The following SNX29 variants were observed in gnomAD, a reference collection of about 807,000 sequenced individuals.
SNX29 encodes the protein sorting nexin 29, also known as sorting nexin-29.
Under a neutral mutation model 102.1 loss-of-function variants are expected in SNX29, and 78 were observed. That is an observed-to-expected ratio of 0.76 (90% CI 0.64 to 0.92). SNX29 has a LOEUF of 0.92. Among genes scored for constraint, SNX29 ranks in the 40% least tolerant of loss-of-function variants. SNX29 has a pLI of 0.00. For synonymous variants in SNX29, 580 were observed against 414.5 expected (o/e 1.40, Z -4.85); for missense variants, 1,280 against 1,061.7 (o/e 1.21, Z -2.86).
At chr16:12,556,196 A>C (rs921436830) in intron 20 of SNX29, among the ~76,000 whole-genome samples, 1 of 152,112 alleles carries the variant, frequency 6.6e-6, no homozygotes, top group Non-Finnish European at 1.5e-5. Context: ...GCTGAGTCTG[A>C]AATGCAACCT....
At chr16:12,171,709 C>G (rs530220452) in intron 13 of SNX29, among the ~76,000 whole-genome samples, 39 of 152,342 alleles carry the variant, frequency 2.6e-4, no homozygotes, top group South Asian at 8.3e-4. Flanking sequence ...TTCTCCTGAC[C>G]GAAAGGATAG....
At chr16:12,115,392 G>GT (rs2141292741) in intron 11 of SNX29, among the ~76,000 whole-genome samples, 1 of 152,010 alleles carries the variant, frequency 6.6e-6, no homozygotes, top group East Asian at 1.9e-4. Context: ...GACACAGCAG[G>GT]GTCAGACATG....
At position 11,999,289 on chromosome 16, in the gene SNX29, C is replaced by T; in HGVS notation, c.8-8C>T. The T allele has an allele frequency of 6.2e-7, 1 of 1,613,886 alleles. No individual in the cohort carries two copies. The highest frequency in any genetic ancestry group is 2.2e-5 in the East Asian group (1 of 44,874). ...AGAGAGAACTAATTAAGCCTCATTG[C>T]ATTTTAGGATCACAGAACAATGACA... On this transcript the variant is annotated splice_polypyrimidine_tract_variant and splice_region_variant and intron_variant, in intron 1 of 20. Transcript: ENST00000566228.
chr16:12,412,507 G>A (rs572721150), intron 18 of SNX29, among the ~76,000 whole-genome samples: 15 of 152,310 alleles, frequency 9.8e-5, no homozygotes, highest in African/African-American at 2.4e-4. Context: ...TTTTTCACAC[G>A]GGAGAGAGCG....
chr16:11,999,392 G>T (rs751806327), intron 2 of SNX29, 34 bp downstream of exon 2: 1 of 1,605,850 alleles, frequency 6.2e-7, no homozygotes, highest in Non-Finnish European at 8.5e-7. Flanking sequence ...CTTTTTGGTC[G>T]AGTAATAGTG....
chr16:12,289,358 C>T (rs756302502), intron 15 of SNX29, among the ~76,000 whole-genome samples: 1 of 152,324 alleles, frequency 6.6e-6, no homozygotes, highest in South Asian at 2.1e-4. Flanking sequence ...TTGCCTGGGG[C>T]ATGTTCAGGT....
chr16:12,478,550 C>T (rs2087763135), intron 19 of SNX29, among the ~76,000 whole-genome samples: 1 of 152,214 alleles, frequency 6.6e-6, no homozygotes, highest in African/African-American at 2.4e-5. Flanking sequence ...ATTCACTCAG[C>T]AGTCATTAAT....
chr16:12,121,051 T>G (rs1596966563), intron 11 of SNX29, among the ~76,000 whole-genome samples: 1 of 152,316 alleles, frequency 6.6e-6, no homozygotes, highest in East Asian at 1.9e-4. Flanking sequence ...TGGGCGACTG[T>G]CAGTCATTCA....
intron 15 of SNX29, among the ~76,000 whole-genome samples, chr16:12,319,054 A>G (rs762825502): frequency 4.6e-5 from 7 of 152,188 alleles, no homozygotes; most frequent in Non-Finnish European, 1.0e-4. Context: ...TCACATCCCC[A>G]GTAAAACTTG....
intron 14 of SNX29, among the ~76,000 whole-genome samples, chr16:12,214,205 T>C (rs1260144336): frequency 6.6e-6 from 1 of 152,210 alleles, no homozygotes; most frequent in Non-Finnish European, 1.5e-5. Flanking sequence ...CGATTCACGA[T>C]TGTTGTTCAT....
intron 16 of SNX29, among the ~76,000 whole-genome samples, chr16:12,378,318 G>A (rs2082950285): frequency 1.3e-5 from 2 of 152,100 alleles, no homozygotes; most frequent in Non-Finnish European, 2.9e-5. Context: ...CAAGAGAGTG[G>A]GGAGGTGCCA....
intron 20 of SNX29, chr16:12,560,946 A>C (rs2078692626): frequency 4.8e-6 from 1 of 209,356 alleles, no homozygotes. Context: ...GGATCCGGAG[A>C]ACCAGACCCA....
chr16:12,364,208 G>GTTATGTTATGTTATGTTATGTTATC (rs1473181815), intron 16 of SNX29, among the ~76,000 whole-genome samples: 2 of 148,946 alleles, frequency 1.3e-5, no homozygotes, highest in Non-Finnish European at 3.0e-5. Context: ...GTTATGTTAT[G>GTTATGTTATGTTATGTTATGTTATC]TTATGTTATT....
Position 12,572,400 on chromosome 16 carries a change from G to T in SNX29, c.*3771G>T, listed in dbSNP as rs1234911022. 22 of 1,063,322 alleles carry T rather than the reference G, an allele frequency of 2.1e-5. No individual in the cohort carries two copies. The highest frequency in any genetic ancestry group is 2.5e-5 in the Non-Finnish European group (22 of 878,092). The allele number at this position is 1,063,322 out of a possible 1,614,324, so 65.9% of individuals were successfully genotyped here. ...GCGGCTTATATCCCAACAGCCTGAG[G>T]CAGGGCTCTGTGGCCCAGGCCGGCA... On this transcript the variant is annotated 3_prime_UTR_variant, in exon 21 of 21. Coordinates refer to ENST00000566228, the MANE Select transcript of SNX29 (RefSeq NM_032167.5).
chr16:12,550,877 A>C lies in SNX29; in HGVS notation c.2319-17629A>C, dbSNP rs62028163. On this transcript the variant is annotated intron_variant, in intron 20 of 20. Coordinates refer to ENST00000566228, the MANE Select transcript of SNX29 (RefSeq NM_032167.5). ...TTTCATGATAGACTTTCTGGGAGGA[A>C]ACCTGTGACGGGAGGGGAAGCTCAG... Among the ~76,000 whole-genome samples the C allele has an allele frequency of 1.2e-3, 187 of 152,194 alleles. 1 individual carries two copies. Among genetic ancestry groups the C allele is most frequent in the Non-Finnish European group, 1.6e-3 (111 of 68,042 alleles).
chr16:12,564,587 TTTC>T (rs754853633), intron 20 of SNX29, among the ~76,000 whole-genome samples: 3 of 152,320 alleles, frequency 2.0e-5, no homozygotes, highest in Non-Finnish European at 2.9e-5. Context: ...GACGCCCCTT[TTTC>T]TTGTTTGTGA....
chr16:12,083,545 C>T (rs1305695207), intron 11 of SNX29, among the ~76,000 whole-genome samples: 1 of 152,144 alleles, frequency 6.6e-6, no homozygotes, highest in East Asian at 1.9e-4. Flanking sequence ...ACCTTATTAA[C>T]TTTGATTACC....
intron 14 of SNX29, among the ~76,000 whole-genome samples, chr16:12,242,371 T>A (rs58529139): frequency 0.53 from 67,384 of 128,094 alleles, 17,381 homozygotes; most frequent in East Asian, 0.71. Context: ...ATATATATTT[T>A]TTTTTTTTTT....
intron 16 of SNX29, among the ~76,000 whole-genome samples, chr16:12,396,209 T>C (rs908763510): frequency 6.6e-6 from 1 of 152,202 alleles, no homozygotes; most frequent in South Asian, 2.1e-4. Context: ...GTTCCAGAAT[T>C]AGTCATTTTT....
Sources: allele counts gnomAD v4.1 joint callset (sites outside exome capture counted in the v4.1 genomes callset), GRCh38; gene constraint gnomAD v4.1.1; transcripts MANE v1.5; gene names NCBI Gene and HGNC (gene_info 2026-07-23, HGNC 2026-07-21).